The following PLXNA4 variants were observed in gnomAD, a reference collection of about 807,000 sequenced individuals.
PLXNA4 encodes the protein plexin A4.
In PLXNA4, 44 loss-of-function variants were observed where a neutral mutation model predicts 191.8. That is an observed-to-expected ratio of 0.23 (90% CI 0.18 to 0.29). The LOEUF is 0.29. Among genes scored for constraint, PLXNA4 ranks in the 10% least tolerant of loss-of-function variants. The pLI is 1.00. For synonymous variants in PLXNA4, 1,082 were observed against 1,009.5 expected, an observed-to-expected ratio of 1.07 and a Z score of -1.36; for missense variants, 1,800 against 2,488.8, an observed-to-expected ratio of 0.72 and a Z score of 5.89.
intron 30 of PLXNA4, among the ~76,000 whole-genome samples, chr7:132,136,141 G>T (rs1339830996): frequency 6.6e-6 from 1 of 152,144 alleles, no homozygotes. Flanking sequence ...CCAGCACCTT[G>T]TGCCTGACGC....
intron 10 of PLXNA4, among the ~76,000 whole-genome samples, chr7:132,207,976 C>G (rs947206038): frequency 6.6e-6 from 1 of 152,186 alleles, no homozygotes; most frequent in Non-Finnish European, 1.5e-5. Flanking sequence ...GAGATGGTCA[C>G]TTGCCCTCTC....
chr7:132,448,453 G>A (rs1414485938), intron 3 of PLXNA4, among the ~76,000 whole-genome samples: 1 of 152,196 alleles, frequency 6.6e-6, no homozygotes, highest in Non-Finnish European at 1.5e-5. Context: ...TTTCTGCAGA[G>A]CCAAGAGTTT....
At chr7:132,181,351 C>T (rs755195876) in intron 18 of PLXNA4, 30 bp downstream of exon 18, 3 of 1,612,238 alleles carry the variant, frequency 1.9e-6, no homozygotes, top group Non-Finnish European at 1.7e-6. Flanking sequence ...CTTCTTTTCC[C>T]ACCCCCGCCT....
At chr7:132,502,154 G>T (rs112679239) in intron 2 of PLXNA4, among the ~76,000 whole-genome samples, 2,581 of 152,298 alleles carry the variant, frequency 0.017, 78 homozygotes, top group African/African-American at 0.059. Flanking sequence ...CACTTTCGTG[G>T]AGTTTCAGGA....
chr7:132,574,238 G>C (rs1288466931), intron 1 of PLXNA4, among the ~76,000 whole-genome samples: 2 of 152,214 alleles, frequency 1.3e-5, no homozygotes, highest in Non-Finnish European at 2.9e-5. Flanking sequence ...GCAGAGAAAG[G>C]AGTGGAGGTC....
chr7:132,410,059 G>A (rs886879546), intron 3 of PLXNA4, among the ~76,000 whole-genome samples: 5 of 152,284 alleles, frequency 3.3e-5, no homozygotes, highest in African/African-American at 4.8e-5. Context: ...GGATAACCAC[G>A]ATGGCTGAAA....
chr7:132,376,384 G>A (rs1185967908), intron 3 of PLXNA4, among the ~76,000 whole-genome samples: 1 of 152,184 alleles, frequency 6.6e-6, no homozygotes, highest in Non-Finnish European at 1.5e-5. Flanking sequence ...TGGGGTTCCT[G>A]TGCCCACTGC....
Position 132,644,965 on chromosome 7 carries a change from T to C in PLXNA4, c.-87+963A>G, listed in dbSNP as rs569139739. 1.9e-4 allele frequency among the ~76,000 whole-genome samples: 29 copies of C among 152,262 alleles called. No individual in the cohort carries two copies. In the South Asian group the frequency reaches 2.9e-3, roughly 15 times the overall value. On this transcript the variant is annotated intron_variant, in intron 2 of 4. Coordinates refer to the PLXNA4 transcript ENST00000378539. ...GGGCACAGCTGAAAGCCTGAGGGTA[T>C]TGGAGAGACCAACAGATGTTTCCCC...
At chr7:132,644,699 T>C (rs1210774195) in intron 2 of PLXNA4, among the ~76,000 whole-genome samples, 1 of 152,178 alleles carries the variant, frequency 6.6e-6, no homozygotes, top group Non-Finnish European at 1.5e-5. Flanking sequence ...AGGAAGATGA[T>C]GAAGGAAATA....
intron 29 of PLXNA4, among the ~76,000 whole-genome samples, chr7:132,144,109 G>A (rs1795352514): frequency 6.6e-6 from 1 of 152,186 alleles, no homozygotes; most frequent in Non-Finnish European, 1.5e-5. Context: ...CCTAGCAGTT[G>A]TTGGTGCGGG....
intron 3 of PLXNA4, among the ~76,000 whole-genome samples, chr7:132,431,695 C>T (rs1035845593): frequency 1.3e-5 from 2 of 152,212 alleles, no homozygotes; most frequent in Admixed American, 1.3e-4. Context: ...GGAACATGAT[C>T]AGCATCTTGG....
At chr7:132,485,865 G>A (rs905197867) in intron 3 of PLXNA4, among the ~76,000 whole-genome samples, 22 of 152,112 alleles carry the variant, frequency 1.4e-4, no homozygotes, top group African/African-American at 4.8e-5. Flanking sequence ...TTCATGTGAC[G>A]TGTGCACTAA....
At chr7:132,622,950 G>T (rs910940550) in intron 2 of PLXNA4, among the ~76,000 whole-genome samples, 1 of 152,210 alleles carries the variant, frequency 6.6e-6, no homozygotes, top group African/African-American at 2.4e-5. Context: ...CCAGCCAGGT[G>T]ACTGTCAAAG....
chr7:132,289,581 G>A (rs762342281), intron 4 of PLXNA4, among the ~76,000 whole-genome samples: 7 of 152,012 alleles, frequency 4.6e-5, no homozygotes, highest in Non-Finnish European at 1.0e-4. Context: ...TGCCCAGGCT[G>A]GAGTACAGTG....
chr7:132,237,168 T>C (rs1328070241), intron 5 of PLXNA4, among the ~76,000 whole-genome samples: 1 of 152,240 alleles, frequency 6.6e-6, no homozygotes, highest in Non-Finnish European at 1.5e-5. Context: ...AATTGTACCT[T>C]TATTAAAAAT....
At chr7:132,369,436 T>C (rs539611950) in intron 3 of PLXNA4, among the ~76,000 whole-genome samples, 10 of 152,180 alleles carry the variant, frequency 6.6e-5, no homozygotes, top group African/African-American at 1.9e-4. Flanking sequence ...ATGGCCCCTG[T>C]TTCTCCACTG....
rs371830623 is a variant in PLXNA4, at chr7:132,378,209, C to T, written c.1372-79987G>A. Reference sequence around the variant, plus strand: ...AGCTGTGGCAGCTTGGTGTTTCATGCTGCAGAGGTGATTGTTGCTCTGTGG... The same window carrying T: ...AGCTGTGGCAGCTTGGTGTTTCATGTTGCAGAGGTGATTGTTGCTCTGTGG... On this transcript the variant is annotated intron_variant, in intron 3 of 31. Coordinates refer to ENST00000321063, the MANE Select transcript of PLXNA4 (RefSeq NM_020911.2). Among the ~76,000 whole-genome samples the T allele has an allele frequency of 6.2e-4, 94 of 152,318 alleles. 2 individuals are homozygous for T. The South Asian group carries it at 0.019, about 31-fold the overall frequency.
intron 5 of PLXNA4, among the ~76,000 whole-genome samples, chr7:132,239,696 C>T (rs1380792774): frequency 1.3e-5 from 2 of 152,198 alleles, no homozygotes; most frequent in Non-Finnish European, 2.9e-5. Flanking sequence ...GCAACCTCTG[C>T]CATCCTCTTC....
Position 132,181,488 on chromosome 7 carries a change from G to A in PLXNA4, c.3385C>T (p.Leu1129Phe), listed in dbSNP as rs1796703306. 6.2e-7 allele frequency: 1 copy of A among 1,614,078 alleles called. No homozygotes were observed. Among genetic ancestry groups the A allele is most frequent in the Non-Finnish European group, 8.5e-7 (1 of 1,180,040 alleles). ...GTGAAGTTGGTCTTGTTGAGGATGA[G>A]CAGGGACTGGACGTTGTCCAGGATG... is the stretch of plus-strand genomic sequence containing the variant. ...GFILDNVQSL[L>F]ILNKTNFTYY... The change falls in exon 18 of 32, where the codon CTC (leucine) becomes TTC (phenylalanine). Residue 1129 changes from leucine (L) to phenylalanine (F), a missense_variant. Leu to Phe is a conservative substitution (Grantham distance 22). Coordinates refer to ENST00000321063, the MANE Select transcript of PLXNA4 (RefSeq NM_020911.2).
Sources: gnomAD v4.1 joint callset for allele counts (sites outside exome capture counted in the v4.1 genomes callset) on GRCh38, gnomAD v4.1.1 for gene constraint, MANE v1.5 for transcripts, NCBI Gene and HGNC (gene_info 2026-07-23, HGNC 2026-07-21) for gene names.